ASAH2: variants seen among roughly 807,000 people sequenced by gnomAD.
The protein encoded by ASAH2 is N-acylsphingosine amidohydrolase 2.
In ASAH2, 58 loss-of-function variants were observed where a neutral mutation model predicts 82.9. The ratio of observed to expected loss-of-function variants is 0.70; its 90% CI spans 0.57 to 0.87. The LOEUF (loss-of-function observed/expected upper bound fraction) is 0.87. Among genes scored for constraint, ASAH2 ranks in the 40% least tolerant of loss-of-function variants. The pLI is 0.00. For synonymous variants in ASAH2, 276 were observed against 289.7 expected (o/e 0.95, Z 0.48); for missense variants, 779 against 834.0 (o/e 0.93, Z 0.81).
At chr10:50,240,531 G>A (rs1214179015) in intron 4 of ASAH2, 2 of 702,194 alleles carry the variant, frequency 2.8e-6, no homozygotes, top group Admixed American at 4.0e-5. Context: ...CCACTCAGAA[G>A]ATTTCTCAGA....
chr10:50,241,987 T>C (rs1270471624), intron 4 of ASAH2, among the ~76,000 whole-genome samples: 1 of 152,100 alleles, frequency 6.6e-6, no homozygotes, highest in Admixed American at 6.5e-5. Context: ...TATAGCTATG[T>C]AACAAAACTC....
At chr10:50,245,698 G>A (rs1846437865) in intron 2 of ASAH2, among the ~76,000 whole-genome samples, 1 of 152,028 alleles carries the variant, frequency 6.6e-6, no homozygotes, top group Non-Finnish European at 1.5e-5. Context: ...TCCTCATCAC[G>A]AGCCATTCCT....
At chr10:50,235,652 C>T (rs1846139854) in intron 5 of ASAH2, among the ~76,000 whole-genome samples, 2 of 152,252 alleles carry the variant, frequency 1.3e-5, no homozygotes, top group African/African-American at 4.8e-5. Flanking sequence ...GTTTAAATAA[C>T]TACATTGGGC....
At chr10:50,235,656 A>C (rs1024773233) in intron 5 of ASAH2, among the ~76,000 whole-genome samples, 45 of 152,130 alleles carry the variant, frequency 3.0e-4, no homozygotes, top group African/African-American at 9.9e-4. Context: ...AAATAACTAC[A>C]TTGGGCTTAG....
At chr10:50,206,186 T>A in intron 12 of ASAH2, 89 bp from the exon 13 acceptor site, 1 of 976,936 alleles carries the variant, frequency 1.0e-6, no homozygotes, top group Non-Finnish European at 1.7e-6. Context: ...AATAATCTTT[T>A]AAGGAGTTTC....
rs1421119340 is a variant in ASAH2 at position 50,185,182 on chromosome 10, A to G, written c.*2133T>C. The G allele has an allele frequency of 1.3e-5, 2 of 151,148 alleles. No homozygotes were observed. Among genetic ancestry groups the G allele is most frequent in the African/African-American group, 4.9e-5 (2 of 40,932 alleles). The allele number at this position is 151,148 out of a possible 1,614,324, so 9.4% of individuals were successfully genotyped here. A position where few individuals can be genotyped will look rare whatever the true frequency, so the allele number is the denominator to read the frequency against. ...TGCAGCATCCACAGACATGAATTGGATCTGTGTTTTTATATCAACAGATAA... is the reference window on the plus strand; with the variant it reads ...TGCAGCATCCACAGACATGAATTGGGTCTGTGTTTTTATATCAACAGATAA... On this transcript the variant is annotated 3_prime_UTR_variant, in exon 21 of 21. Transcript: ENST00000682911.
At chr10:50,202,955 T>C in intron 15 of ASAH2, 31 bp from the exon 16 acceptor site, 1 of 1,333,914 alleles carries the variant, frequency 7.5e-7, no homozygotes, top group Non-Finnish European at 1.1e-6. Flanking sequence ...CCAATAAAAT[T>C]ACTCTTCATC....
chr10:50,200,683 A>T (rs1360230875), intron 16 of ASAH2, among the ~76,000 whole-genome samples: 1 of 152,056 alleles, frequency 6.6e-6, no homozygotes, highest in East Asian at 1.9e-4. Context: ...TCTTGAGGGA[A>T]GGGACAGATT....
intron 7 of ASAH2, among the ~76,000 whole-genome samples, chr10:50,223,533 G>C (rs1311508815): frequency 2.0e-5 from 3 of 152,158 alleles, no homozygotes; most frequent in Non-Finnish European, 4.4e-5. Flanking sequence ...TAGGGAAATA[G>C]AATACTGTGT....
intron 9 of ASAH2, among the ~76,000 whole-genome samples, chr10:50,214,028 T>C (rs976471101): frequency 8.5e-5 from 13 of 152,264 alleles, no homozygotes; most frequent in African/African-American, 1.2e-4. Context: ...AAATAAATGA[T>C]GGTATAGCCT....
chr10:50,193,312 G>A (rs1844891494), intron 18 of ASAH2, among the ~76,000 whole-genome samples: 1 of 151,734 alleles, frequency 6.6e-6, no homozygotes, highest in Non-Finnish European at 1.5e-5. Context: ...GCAGAAGGAG[G>A]AGAATTCAGG....
intron 8 of ASAH2, among the ~76,000 whole-genome samples, chr10:50,217,229 C>CTTTTT (rs878958733): frequency 5.1e-5 from 7 of 136,902 alleles, no homozygotes; most frequent in African/African-American, 8.1e-5. Flanking sequence ...TGTTTTCTTT[C>CTTTTT]TTTTTTTTTT....
At position 50,213,038 on chromosome 10, in the gene ASAH2, C is replaced by T; in HGVS notation, c.1161G>A (p.Lys387=). ...PIGGPSMCIA[K]GPGQDMFDST... is the part of the protein sequence containing the mutation. ...TGTCAAACATATCCTGTCCAGGTCC[C>T]TTAGCAATGCACATGCTAGGCTGGA... is the stretch of plus-strand genomic sequence containing the variant. The change falls in exon 10 of 21, where the codon AAG becomes AAA. Residue 387 remains lysine, a synonymous_variant. Coordinates refer to ENST00000682911, the MANE Select transcript of ASAH2 (RefSeq NM_019893.4). The T allele has an allele frequency of 1.2e-6, 2 of 1,613,742 alleles. No individual in the cohort carries two copies. Among genetic ancestry groups the T allele is most frequent in the Non-Finnish European group, 1.7e-6 (2 of 1,179,698 alleles).
intron 3 of ASAH2, 46 bp from the exon 4 acceptor site, chr10:50,243,397 C>A: frequency 1.3e-6 from 2 of 1,588,344 alleles, no homozygotes; most frequent in Admixed American, 1.8e-5. Context: ...CATTCCCCTG[C>A]TACTAGAAAC....
At chr10:50,199,030 G>A (rs1206553130) in intron 17 of ASAH2, 21 bp downstream of exon 17, 28 of 1,610,500 alleles carry the variant, frequency 1.7e-5, no homozygotes, top group African/African-American at 1.3e-4. Context: ...GCGCATGCAC[G>A]CACAAACAAT....
intron 3 of ASAH2, among the ~76,000 whole-genome samples, chr10:50,244,020 T>C (rs1342917325): frequency 6.6e-6 from 1 of 152,250 alleles, no homozygotes; most frequent in Admixed American, 6.5e-5. Context: ...AAGGCAGATT[T>C]ATTAGGCAAA....
chr10:50,194,431 C>G (rs949120657), intron 18 of ASAH2, among the ~76,000 whole-genome samples: 1 of 151,664 alleles, frequency 6.6e-6, no homozygotes, highest in Non-Finnish European at 1.5e-5. Flanking sequence ...AACTCCAACA[C>G]TGATTTCTGA....
chr10:50,244,963 G>A (rs368721543), intron 3 of ASAH2, among the ~76,000 whole-genome samples: 3 of 150,994 alleles, frequency 2.0e-5, no homozygotes, highest in African/African-American at 7.3e-5. Context: ...CTCACCCCCT[G>A]TAGTATTTGA....
chr10:50,240,414 A>G (rs1846265312), intron 4 of ASAH2: 2 of 701,362 alleles, frequency 2.9e-6, no homozygotes, highest in African/African-American at 3.5e-5. Flanking sequence ...TCTTTAAAGA[A>G]TCTGCTAATT....
Sources: gnomAD v4.1 joint callset for allele counts (sites outside exome capture counted in the v4.1 genomes callset) on GRCh38, gnomAD v4.1.1 for gene constraint, MANE v1.5 for transcripts, NCBI Gene and HGNC (gene_info 2026-07-23, HGNC 2026-07-21) for gene names.